Variants in GSE1 observed in about 807,000 individuals in gnomAD.
The protein encoded by GSE1 is genetic suppressor element 1.
In GSE1, 32 loss-of-function variants were observed where a neutral mutation model predicts 112.6. The ratio of observed to expected loss-of-function variants is 0.28; its 90% CI spans 0.21 to 0.38. The LOEUF is 0.38. Among genes scored for constraint, GSE1 ranks in the 10% least tolerant of loss-of-function variants. GSE1 has a pLI of 1.00. For synonymous variants in GSE1, 1,115 were observed against 735.6 expected, an observed-to-expected ratio of 1.52 and a Z score of -8.35; for missense variants, 2,348 against 1,699.2, an observed-to-expected ratio of 1.38 and a Z score of -6.71.
chr16:85,604,199 A>G (rs1232748389), intron 1 of GSE1, among the ~76,000 whole-genome samples: 1 of 152,204 alleles, frequency 6.6e-6, no homozygotes. Flanking sequence ...GCCCTAAGCA[A>G]CTACTCCTCT....
At chr16:85,291,895 G>A (rs1311821087) in intron 1 of GSE1, among the ~76,000 whole-genome samples, 2 of 152,134 alleles carry the variant, frequency 1.3e-5, no homozygotes, top group Non-Finnish European at 2.9e-5. Context: ...GCTTTTATTA[G>A]AGCCGGCTTT....
chr16:85,608,273 T>G (rs892817171), upstream of GSE1, among the ~76,000 whole-genome samples: 1 of 152,066 alleles, frequency 6.6e-6, no homozygotes, highest in African/African-American at 2.4e-5. Context: ...CTGGGCAGCC[T>G]TCCACCCCTC....
intron 1 of GSE1, among the ~76,000 whole-genome samples, chr16:85,230,540 C>T (rs936030452): frequency 6.6e-6 from 1 of 152,220 alleles, no homozygotes; most frequent in Non-Finnish European, 1.5e-5. Flanking sequence ...CCTCTCCCTA[C>T]TTCGCTCTGC....
chr16:85,474,738 C>A (rs1330307239), intron 2 of GSE1, among the ~76,000 whole-genome samples: 2 of 151,538 alleles, frequency 1.3e-5, no homozygotes, highest in African/African-American at 2.4e-5. Flanking sequence ...CCTTCTCCTC[C>A]CCAACAAGCT....
chr16:85,258,006 A>T (rs1370703259), intron 1 of GSE1, among the ~76,000 whole-genome samples: 1 of 152,226 alleles, frequency 6.6e-6, no homozygotes, highest in Non-Finnish European at 1.5e-5. Context: ...CTCACTTTGC[A>T]GAGTAATCTT....
chr16:85,404,531 CCT>C (rs1359693509), intron 2 of GSE1, among the ~76,000 whole-genome samples: 4 of 86,088 alleles, frequency 4.6e-5, no homozygotes, highest in Non-Finnish European at 7.0e-5. Context: ...CTCAGGCCCC[CCT>C]GGATAATCCT....
At chr16:85,596,401 A>T (rs1425051035) in intron 1 of GSE1, among the ~76,000 whole-genome samples, 1 of 152,188 alleles carries the variant, frequency 6.6e-6, no homozygotes, top group African/African-American at 2.4e-5. Flanking sequence ...GCAGCCGGGC[A>T]CCTGGCTCAC....
intron 2 of GSE1, among the ~76,000 whole-genome samples, chr16:85,392,387 T>A (rs922242031): frequency 6.6e-6 from 1 of 152,228 alleles, no homozygotes; most frequent in African/African-American, 2.4e-5. Flanking sequence ...GCTATACTTA[T>A]GCTCTTAAAA....
At position 85,269,431 on chromosome 16, in the gene GSE1, AGTGT is replaced by A. The variant is rs201322889; in HGVS notation, c.2284-88028_2284-88025del. ...GGGTGGGAATACGCCTGTTAGCATG[AGTGT>A]GTGGGTGTGTGAGTGTGTGTGTGTG... is the stretch of plus-strand genomic sequence containing the variant. On this transcript the variant is annotated intron_variant, in intron 1 of 2. Transcript: ENST00000637419. Among the ~76,000 whole-genome samples the A allele has an allele frequency of 8.1e-3, 1,067 of 132,132 alleles. 105 individuals carry two copies. Among genetic ancestry groups the A allele is most frequent in the Admixed American group, 0.011 (152 of 14,384 alleles). The allele number at this position is 132,132 out of a possible 152,430, so 86.7% of individuals were successfully genotyped here.
chr16:85,447,679 G>T (rs1249391821), intron 2 of GSE1, among the ~76,000 whole-genome samples: 1 of 152,182 alleles, frequency 6.6e-6, no homozygotes, highest in East Asian at 1.9e-4. Context: ...TGTGGGGCTC[G>T]GAGCTTCTGT....
At chr16:85,452,903 T>C (rs1317336315) in intron 2 of GSE1, among the ~76,000 whole-genome samples, 1 of 151,346 alleles carries the variant, frequency 6.6e-6, no homozygotes, top group African/African-American at 2.5e-5. Context: ...GGGGACTGGG[T>C]GGTCGCTCGG....
At chr16:85,568,714 G>A (rs923047529) in intron 1 of GSE1, among the ~76,000 whole-genome samples, 1 of 152,200 alleles carries the variant, frequency 6.6e-6, no homozygotes, top group African/African-American at 2.4e-5. Flanking sequence ...TTGGTCCAGA[G>A]GTGGGGCTGG....
intron 1 of GSE1, among the ~76,000 whole-genome samples, chr16:85,336,709 C>A (rs2046494535): frequency 6.6e-6 from 1 of 152,072 alleles, no homozygotes. Flanking sequence ...ACAAGCGATT[C>A]TCCTGCCTCA....
At chr16:85,184,866 G>C (rs561857046) in intron 1 of GSE1, among the ~76,000 whole-genome samples, 2 of 152,134 alleles carry the variant, frequency 1.3e-5, no homozygotes, top group Non-Finnish European at 2.9e-5. Context: ...CTTGAAGAAG[G>C]GACCACAAGC....
At chr16:85,386,462 C>T (rs1269344633) in intron 2 of GSE1, among the ~76,000 whole-genome samples, 4 of 152,214 alleles carry the variant, frequency 2.6e-5, no homozygotes, top group Admixed American at 2.0e-4. Context: ...ATAGGGTGAG[C>T]TGTCGCCATG....
chr16:85,383,485 G>A (rs962233639), intron 2 of GSE1, among the ~76,000 whole-genome samples: 1 of 144,478 alleles, frequency 6.9e-6, no homozygotes, highest in Non-Finnish European at 1.5e-5. Flanking sequence ...GAACATACAC[G>A]CAGAGCTCCC....
In GSE1 at chr16:85,311,346, C is replaced by A. The variant is rs2045840431; in HGVS notation, c.2284-46117C>A. ...GTCGTTAGAGCAGAAACGGTGGTGG[C>A]AGGACCCAAGACTGTGCAGTTCTAA... On this transcript the variant is annotated intron_variant, in intron 1 of 2. Coordinates refer to the GSE1 transcript ENST00000637419. This position sits in a 1 kb window ranked among gnomAD's most constrained non-coding sequence, Gnocchi z 4.2. 6.6e-6 allele frequency among the ~76,000 whole-genome samples: 1 copy of A among 152,196 alleles called. No individual in the cohort carries two copies. Among genetic ancestry groups the A allele is most frequent in the South Asian group, 2.1e-4 (1 of 4,830 alleles).
At chr16:85,389,122 G>A (rs1013738522) in intron 2 of GSE1, among the ~76,000 whole-genome samples, 2 of 152,200 alleles carry the variant, frequency 1.3e-5, no homozygotes, top group African/African-American at 4.8e-5. Flanking sequence ...AGCAATGGGG[G>A]CCAGGCAGCA....
At chr16:85,453,022 G>A (rs962281766) in intron 2 of GSE1, among the ~76,000 whole-genome samples, 6 of 152,350 alleles carry the variant, frequency 3.9e-5, no homozygotes, top group East Asian at 1.9e-4. Context: ...TGTCCCCGAC[G>A]CTGCCGGTCC....
Sources: gnomAD v4.1 joint callset for allele counts (sites outside exome capture counted in the v4.1 genomes callset) on GRCh38, gnomAD v4.1.1 for gene constraint, Gnocchi (gnomAD v3.1) non-coding constraint, MANE v1.5 for transcripts, NCBI Gene and HGNC (gene_info 2026-07-23, HGNC 2026-07-21) for gene names.